The following CAMTA1 variants were observed in gnomAD, a reference collection of about 807,000 sequenced individuals.
CAMTA1 encodes calmodulin-binding transcription activator 1.
CAMTA1 carries 27 observed loss-of-function variants against 170.9 expected under a neutral mutation model. That is an observed-to-expected ratio of 0.16 (90% CI 0.12 to 0.22). CAMTA1 has a LOEUF of 0.22. CAMTA1 is among the 10% of genes least tolerant of loss of function. The pLI, the probability that CAMTA1 is intolerant of heterozygous loss-of-function variation, is 1.00. For missense variants in CAMTA1, 1,619 were observed against 2,217.2 expected (o/e 0.73, Z 5.42); for synonymous variants, 833 against 891.5 (o/e 0.93, Z 1.17).
intron 4 of CAMTA1, among the ~76,000 whole-genome samples, chr1:7,140,510 C>A (rs1376207618): frequency 6.6e-6 from 1 of 152,070 alleles, no homozygotes; most frequent in Non-Finnish European, 1.5e-5. Context: ...AGTGAGAAGG[C>A]AATGAGAAGA....
intron 1 of CAMTA1, among the ~76,000 whole-genome samples, chr1:6,810,419 A>G (rs895926911): frequency 4.6e-5 from 7 of 152,178 alleles, no homozygotes; most frequent in Non-Finnish European, 8.8e-5. Flanking sequence ...AGCAAGACAG[A>G]AGTCACAGTC....
At chr1:7,714,682 T>A (rs186619231) in intron 11 of CAMTA1, among the ~76,000 whole-genome samples, 1 of 152,084 alleles carries the variant, frequency 6.6e-6, no homozygotes, top group South Asian at 2.1e-4. Flanking sequence ...TCACCACACC[T>A]GGCTAATTTT....
chr1:7,343,290 C>T (rs1045396483), intron 5 of CAMTA1, among the ~76,000 whole-genome samples: 1 of 152,276 alleles, frequency 6.6e-6, no homozygotes, highest in East Asian at 1.9e-4. Context: ...TCCTGTGCCT[C>T]AGCTCTCCTG....
intron 4 of CAMTA1, among the ~76,000 whole-genome samples, chr1:7,220,553 G>T (rs559521440): frequency 1.3e-5 from 2 of 152,098 alleles, no homozygotes; most frequent in South Asian, 4.2e-4. Context: ...CTTGTCACCT[G>T]GTGTTCCCAC....
At chr1:7,061,799 G>A (rs796645088) in intron 3 of CAMTA1, among the ~76,000 whole-genome samples, 12 of 152,182 alleles carry the variant, frequency 7.9e-5, no homozygotes, top group African/African-American at 2.2e-4. Flanking sequence ...AGGGGGTGGC[G>A]CTGGCAGAGG....
intron 6 of CAMTA1, among the ~76,000 whole-genome samples, chr1:7,599,287 C>T (rs2095423036): frequency 6.6e-6 from 1 of 152,146 alleles, no homozygotes; most frequent in African/African-American, 2.4e-5. Flanking sequence ...CTGTTCTGTT[C>T]CATTGGTCGA....
rs1340712854 is a variant in CAMTA1 at position 7,664,989 on chromosome 1, C to G, written c.2442C>G (p.Phe814Leu). 5 of 1,608,072 alleles carry G rather than the reference C, an allele frequency of 3.1e-6. No homozygotes were observed. Among genetic ancestry groups the G allele is most frequent in the Non-Finnish European group, 4.2e-6 (5 of 1,177,268 alleles). The part of the protein sequence containing the change: ...SQSEDGARAP[F>L]TQAEMCLPCC... The stretch of plus-strand genomic sequence containing the variant: ...CAGAGGACGGGGCGCGGGCCCCCTT[C>G]ACCCAGGCAGAGATGTGCCTCCCCT... Residue 814 changes from phenylalanine (F) to leucine (L), a missense_variant, in exon 9 of 23, where the codon TTC becomes TTG. Physicochemically the swap from Phe to Leu is conservative, Grantham distance 22 (BLOSUM62 0). Transcript: ENST00000303635.
chr1:6,943,387 C>T (rs1687015209), intron 3 of CAMTA1, among the ~76,000 whole-genome samples: 1 of 152,072 alleles, frequency 6.6e-6, no homozygotes, highest in Non-Finnish European at 1.5e-5. Flanking sequence ...GAGGAGGCAC[C>T]TGATTTCAGA....
At chr1:7,275,146 CAAAA>C (rs1340599304) in intron 5 of CAMTA1, among the ~76,000 whole-genome samples, 1 of 83,608 alleles carries the variant, frequency 1.2e-5, no homozygotes, top group Non-Finnish European at 2.1e-5. Context: ...GATTCCATCT[CAAAA>C]AAAAAAAAAA....
chr1:7,022,142 A>T (rs1263832689), intron 3 of CAMTA1, among the ~76,000 whole-genome samples: 2 of 152,156 alleles, frequency 1.3e-5, no homozygotes, highest in African/African-American at 4.8e-5. Flanking sequence ...TGTGTTGGCA[A>T]TTGTTTAGCA....
chr1:7,072,803 G>A (rs531547542), intron 3 of CAMTA1, among the ~76,000 whole-genome samples: 1 of 152,358 alleles, frequency 6.6e-6, no homozygotes, highest in African/African-American at 2.4e-5. Flanking sequence ...AGGTGCAGAA[G>A]CCCTGGGGCA....
chr1:7,728,888 G>A (rs1298771937), intron 11 of CAMTA1, among the ~76,000 whole-genome samples: 25 of 152,072 alleles, frequency 1.6e-4, no homozygotes, highest in Admixed American at 9.2e-4. Context: ...GGATGAGAAC[G>A]GCCGTGTGCA....
In CAMTA1 at chr1:7,087,837, T is replaced by TC. The variant is rs1640947938; in HGVS notation, c.235-3463dup. Among the ~76,000 whole-genome samples the TC allele has an allele frequency of 2.0e-5, 3 of 152,342 alleles. No individual in the cohort carries two copies. The South Asian group carries it at 6.2e-4, about 32-fold the overall frequency. Reference sequence around the variant, plus strand: ...AATGACACAGATGGTGAAGTCCTTCTCCCCACAATCACTCTGAATTTGGAT... The same window carrying TC: ...AATGACACAGATGGTGAAGTCCTTCTCCCCCACAATCACTCTGAATTTGGAT... On this transcript the variant is annotated intron_variant, in intron 3 of 22. Coordinates refer to ENST00000303635, the MANE Select transcript of CAMTA1 (RefSeq NM_015215.4).
At chr1:6,791,719 G>A (rs1641151863) in intron 1 of CAMTA1, among the ~76,000 whole-genome samples, 1 of 152,162 alleles carries the variant, frequency 6.6e-6, no homozygotes, top group South Asian at 2.1e-4. Flanking sequence ...GAATAAGAGT[G>A]TACGGTCATT....
rs1020767561 is a variant in CAMTA1, at chr1:7,065,499, G to T, written c.235-25805G>T. 1.3e-5 allele frequency among the ~76,000 whole-genome samples: 2 copies of T among 152,130 alleles called. No individual in the cohort carries two copies. Among genetic ancestry groups the T allele is most frequent in the East Asian group, 3.9e-4 (2 of 5,186 alleles). On this transcript the variant is annotated intron_variant, in intron 3 of 22. Transcript: ENST00000303635. This position sits in a 1 kb window ranked among gnomAD's most constrained non-coding sequence, Gnocchi z 5.2. ...AAGGAAGAGAAACTAATTTTGACTG[G>T]GCAACTATGCAGAAGAAAGCCCGCT...
intron 4 of CAMTA1, among the ~76,000 whole-genome samples, chr1:7,221,689 C>T (rs1004460515): frequency 2.0e-5 from 3 of 152,116 alleles, no homozygotes; most frequent in South Asian, 2.1e-4. Context: ...CAGTCTCAGC[C>T]CTGCTTCTTG....
At chr1:7,445,325 A>G (rs1028735689) in intron 5 of CAMTA1, among the ~76,000 whole-genome samples, 4 of 151,632 alleles carry the variant, frequency 2.6e-5, no homozygotes, top group African/African-American at 7.3e-5. Flanking sequence ...AGCCGCTGCT[A>G]TGAGGAAAGA....
Position 7,238,740 on chromosome 1 carries a change from G to A in CAMTA1, c.303-10751G>A, listed in dbSNP as rs137859781. Among the ~76,000 whole-genome samples the A allele has an allele frequency of 9.2e-3, 1,394 of 152,228 alleles. 15 individuals are homozygous for A. The highest frequency in any genetic ancestry group is 0.031 in the African/African-American group (1,298 of 41,534). On this transcript the variant is annotated intron_variant, in intron 4 of 22. Transcript: ENST00000303635. ...CTCTACTAAAAATACAAAAATTAGC[G>A]GGGCGTGGGGCATGTACCTGTAATC...
chr1:7,676,259 G>A (rs919478264), intron 10 of CAMTA1, among the ~76,000 whole-genome samples: 3 of 152,204 alleles, frequency 2.0e-5, no homozygotes, highest in Admixed American at 6.5e-5. Context: ...CAGGCACCTC[G>A]GAGGTCCTAT....
Sources: gnomAD v4.1 joint callset for allele counts (sites outside exome capture counted in the v4.1 genomes callset) on GRCh38, gnomAD v4.1.1 for gene constraint, Gnocchi (gnomAD v3.1) non-coding constraint, MANE v1.5 for transcripts, NCBI Gene and HGNC (gene_info 2026-07-23, HGNC 2026-07-21) for gene names.